Variants in PCSK6 observed in about 807,000 individuals in gnomAD.
PCSK6 encodes the protein paired basic amino acid cleaving enzyme 4.
A neutral mutation model predicts 123.3 loss-of-function variants in PCSK6; 85 were observed. The ratio of observed to expected loss-of-function variants is 0.69; its 90% confidence interval spans 0.58 to 0.83. The LOEUF is 0.83. Among genes scored for constraint, PCSK6 ranks in the 40% least tolerant of loss-of-function variants. The pLI is 0.00. For synonymous variants in PCSK6, 508 were observed against 516.0 expected, an observed-to-expected ratio of 0.98 and a Z score of 0.21; for missense variants, 1,191 against 1,282.3, an observed-to-expected ratio of 0.93 and a Z score of 1.09.
At chr15:101,459,699 C>G (rs1596357880) in intron 1 of PCSK6, among the ~76,000 whole-genome samples, 1 of 151,070 alleles carries the variant, frequency 6.6e-6, no homozygotes, top group African/African-American at 2.4e-5. Context: ...ACAGCTCCAG[C>G]TGGGCCCCTC....
At chr15:101,360,970 G>A (rs542251142) in intron 13 of PCSK6, among the ~76,000 whole-genome samples, 1 of 152,302 alleles carries the variant, frequency 6.6e-6, no homozygotes, top group East Asian at 1.9e-4. Flanking sequence ...CAGAATGTAA[G>A]CTTAGCATCT....
At chr15:101,489,287 G>A (rs2058102934) in intron 1 of PCSK6, 87 bp downstream of exon 1, 2 of 862,338 alleles carry the variant, frequency 2.3e-6, no homozygotes, top group Non-Finnish European at 1.4e-6. Flanking sequence ...GGCCGGGGCC[G>A]GGCGGACAGG....
intron 2 of PCSK6, among the ~76,000 whole-genome samples, chr15:101,435,913 A>G (rs1435987966): frequency 6.6e-6 from 1 of 152,208 alleles, no homozygotes; most frequent in East Asian, 1.9e-4. Flanking sequence ...ATCCTTGTCC[A>G]AGCATCCTTT....
chr15:101,349,825 G>A (rs1206894269), intron 13 of PCSK6, among the ~76,000 whole-genome samples: 1 of 152,050 alleles, frequency 6.6e-6, no homozygotes, highest in African/African-American at 2.4e-5. Flanking sequence ...ATACAGATTC[G>A]TTTCACACAT....
intron 6 of PCSK6, among the ~76,000 whole-genome samples, chr15:101,407,064 A>AC (rs2042802840): frequency 6.6e-6 from 1 of 152,018 alleles, no homozygotes; most frequent in Admixed American, 6.6e-5. Context: ...GCGACCTCCA[A>AC]GAGAAGGGCC....
intron 1 of PCSK6, among the ~76,000 whole-genome samples, chr15:101,452,231 C>T (rs1567231318): frequency 1.3e-5 from 2 of 152,166 alleles, no homozygotes; most frequent in South Asian, 2.1e-4. Context: ...TCCCTTAAGT[C>T]GCCAAACCAA....
intron 11 of PCSK6, among the ~76,000 whole-genome samples, chr15:101,380,926 C>G (rs181570308): frequency 5.9e-5 from 9 of 152,314 alleles, no homozygotes; most frequent in Admixed American, 5.9e-4. Context: ...ACACTCCGTT[C>G]TGTATCAGAT....
intron 1 of PCSK6, among the ~76,000 whole-genome samples, chr15:101,474,841 C>T (rs1386881851): frequency 6.6e-6 from 1 of 152,214 alleles, no homozygotes. Flanking sequence ...CCTACCCAGT[C>T]CCCGGGTACC....
intron 1 of PCSK6, among the ~76,000 whole-genome samples, chr15:101,449,801 T>C (rs1368381079): frequency 1.3e-5 from 2 of 152,114 alleles, no homozygotes; most frequent in Non-Finnish European, 2.9e-5. Flanking sequence ...GAAGGCTGTT[T>C]CTTCATTTCC....
At chr15:101,438,904 G>A (rs779718921) in intron 2 of PCSK6, among the ~76,000 whole-genome samples, 6 of 152,358 alleles carry the variant, frequency 3.9e-5, no homozygotes, top group Middle Eastern at 3.4e-3. Context: ...GTGGGGAAGA[G>A]AGCAACAGCA....
rs898235899 is a variant in PCSK6 at position 101,304,888 on chromosome 15, G to A, written c.*370C>T. ...TTACTACACAGCCGCAGAAAAGCAC[G>A]GGGAGAAGAGTGATGTGTGATGCCA... On this transcript the variant is annotated 3_prime_UTR_variant, in exon 22 of 22. Coordinates refer to ENST00000611716, the MANE Select transcript of PCSK6 (RefSeq NM_002570.5). 7.4e-5 allele frequency: 14 copies of A among 189,066 alleles called. No individual in the cohort carries two copies. The highest frequency in any genetic ancestry group is 2.3e-4 in the African/African-American group (10 of 42,750). The allele number at this position is 189,066 out of a possible 1,614,324, so 11.7% of individuals were successfully genotyped here.
At chr15:101,321,638 T>C (rs924763932) in intron 18 of PCSK6, among the ~76,000 whole-genome samples, 2 of 152,242 alleles carry the variant, frequency 1.3e-5, no homozygotes, top group African/African-American at 2.4e-5. Context: ...CCTCACAGCA[T>C]TTGAGAAGGG....
intron 11 of PCSK6, 128 bp from the exon 12 acceptor site, chr15:101,370,651 C>A: frequency 1.3e-6 from 1 of 777,572 alleles, no homozygotes; most frequent in Non-Finnish European, 1.8e-6. Context: ...CCCCGGGGAG[C>A]CGCAGCAGCC....
In PCSK6 at chr15:101,324,945, G is replaced by A. The variant is rs774577276; in HGVS notation, c.2282C>T (p.Ala761Val). 72 of 1,613,222 alleles carry A rather than the reference G, an allele frequency of 4.5e-5. No homozygotes were observed. Among genetic ancestry groups the A allele is most frequent in the Non-Finnish European group, 5.4e-5 (64 of 1,179,870 alleles). The part of the protein sequence containing the change: ...KGCETCSSRA[A>V]TQCLSCRRGF... ...GCGGCGGCAAGACAGGCACTGCGTCGCAGCTCTGCTGGAGCAGGTCTCACA... is the reference window on the plus strand; with the variant it reads ...GCGGCGGCAAGACAGGCACTGCGTCACAGCTCTGCTGGAGCAGGTCTCACA... The change falls in exon 17 of 22, where the codon GCG (alanine) becomes GTG (valine). Residue 761 changes from alanine (A) to valine (V), a missense_variant. By Grantham distance (64) the Ala-to-Val change is moderately conservative (BLOSUM62 0). This residue lies in a region of PCSK6 where 630 missense variants were observed against 631.4 expected (regional missense o/e 1.00). Coordinates refer to ENST00000611716, the MANE Select transcript of PCSK6 (RefSeq NM_002570.5).
chr15:101,474,553 G>C (rs931157739), intron 1 of PCSK6, among the ~76,000 whole-genome samples: 4 of 152,170 alleles, frequency 2.6e-5, no homozygotes, highest in Admixed American at 6.6e-5. Context: ...ACCCTCTAAT[G>C]GCATCGAGGA....
At chr15:101,319,476 T>G (rs2040067859) in intron 18 of PCSK6, among the ~76,000 whole-genome samples, 1 of 152,200 alleles carries the variant, frequency 6.6e-6, no homozygotes, top group Admixed American at 6.5e-5. Flanking sequence ...ATTATCAAAG[T>G]GCTAAATGTC....
chr15:101,481,381 C>A (rs1381504950), intron 1 of PCSK6, among the ~76,000 whole-genome samples: 1 of 150,622 alleles, frequency 6.6e-6, no homozygotes, highest in Admixed American at 6.6e-5. Flanking sequence ...GAGGGGCGAA[C>A]CTGGTGACGG....
intron 6 of PCSK6, among the ~76,000 whole-genome samples, chr15:101,406,909 A>T (rs1221266582): frequency 6.6e-6 from 1 of 152,186 alleles, no homozygotes; most frequent in Non-Finnish European, 1.5e-5. Flanking sequence ...CATGTCCTGC[A>T]TGCAGCCCTG....
At chr15:101,444,129 G>A (rs1352770956) in intron 1 of PCSK6, among the ~76,000 whole-genome samples, 3 of 152,128 alleles carry the variant, frequency 2.0e-5, no homozygotes, top group African/African-American at 7.2e-5. Flanking sequence ...AGTGCAACAG[G>A]ACAGCCAAAG....
Sources: gnomAD v4.1 joint callset for allele counts (sites outside exome capture counted in the v4.1 genomes callset) on GRCh38, gnomAD v4.1.1 for gene constraint, gnomAD v4.1.1 regional missense constraint, MANE v1.5 for transcripts, NCBI Gene and HGNC (gene_info 2026-07-23, HGNC 2026-07-21) for gene names.